PIGG: variants seen among roughly 807,000 people sequenced by gnomAD.
The protein encoded by PIGG is GPI ethanolamine phosphate transferase 2, catalytic subunit.
In PIGG, 70 loss-of-function variants were observed where a neutral mutation model predicts 83.2. The observed-to-expected ratio is 0.84, with a 90% CI of 0.69 to 1.03. The LOEUF (loss-of-function observed/expected upper bound fraction) is 1.03. Ranked by LOEUF, PIGG falls within the 50% of genes least tolerant of loss-of-function variation. PIGG has a pLI of 0.00. For synonymous variants in PIGG, 532 were observed against 519.5 expected, an observed-to-expected ratio of 1.02 and a Z score of -0.33; for missense variants, 1,257 against 1,233.6, an observed-to-expected ratio of 1.02 and a Z score of -0.28.
intron 5 of PIGG, among the ~76,000 whole-genome samples, chr4:509,416 A>AAC (rs146192421): frequency 5.3e-5 from 8 of 152,174 alleles, no homozygotes; most frequent in African/African-American, 1.9e-4. Flanking sequence ...ACACGCCCCA[A>AAC]ACACACACAC....
At chr4:537,859 C>T (rs1450314922) in intron 12 of PIGG, among the ~76,000 whole-genome samples, 4 of 152,192 alleles carry the variant, frequency 2.6e-5, no homozygotes, top group African/African-American at 7.2e-5. Context: ...CTTGGCCCTT[C>T]GTGGCTGTTG....
At chr4:510,689 T>C (rs1406471032) in intron 5 of PIGG, among the ~76,000 whole-genome samples, 1 of 152,222 alleles carries the variant, frequency 6.6e-6, no homozygotes, top group Non-Finnish European at 1.5e-5. Flanking sequence ...GTTTTCTTTA[T>C]TCTCATCATA....
At chr4:500,668 T>TA in intron 2 of PIGG, 67 bp downstream of exon 2, 4 of 1,016,386 alleles carry the variant, frequency 3.9e-6, no homozygotes, top group South Asian at 2.6e-5. Flanking sequence ...GGGGTCTCTG[T>TA]AGTCTTTCGC....
At position 499,307 on chromosome 4, in the gene PIGG, G is replaced by C. The variant is rs782708485; in HGVS notation, c.-29G>C. On this transcript the variant is annotated 5_prime_UTR_variant, in exon 1 of 13. Coordinates refer to ENST00000453061, the MANE Select transcript of PIGG (RefSeq NM_001127178.3). ...GCAGGGCGAGGCTCCAGGTGGGGTC[G>C]GTTCCGCATCCAGCCTAGCGTGTCC... The C allele has an allele frequency of 6.3e-7, 1 of 1,599,814 alleles. No homozygotes were observed. The highest frequency in any genetic ancestry group is 1.7e-5 in the Admixed American group (1 of 59,656).
intron 9 of PIGG, among the ~76,000 whole-genome samples, chr4:526,756 C>T (rs1213876423): frequency 1.3e-5 from 2 of 151,192 alleles, no homozygotes; most frequent in Non-Finnish European, 2.9e-5. Flanking sequence ...CCATGTGGCC[C>T]AGACTGGTCT....
At position 528,195 on chromosome 4, in the gene PIGG, C is replaced by A; in HGVS notation, c.2261+965C>A. On this transcript the variant is annotated intron_variant, in intron 10 of 12. Coordinates refer to ENST00000453061, the MANE Select transcript of PIGG (RefSeq NM_001127178.3). The surrounding 1 kb of genome is among the most constrained non-coding windows in gnomAD (Gnocchi z 4.8). Reference sequence around the variant, plus strand: ...CAGAACAGAGAAGCATGTTGTGGAACAGGTATGACCCCAGCTTACTAATTG... The same window carrying A: ...CAGAACAGAGAAGCATGTTGTGGAAAAGGTATGACCCCAGCTTACTAATTG... 1.0e-6 allele frequency: 1 copy of A among 985,198 alleles called. No homozygotes were observed. Among genetic ancestry groups the A allele is most frequent in the Non-Finnish European group, 1.2e-6 (1 of 829,800 alleles). 61.0% of individuals were successfully genotyped at this position (985,198 alleles called of 1,614,324 possible).
rs374663154 is a variant in PIGG, at chr4:505,632, C to CAAA, written c.361-71_361-69dup. The CAAA allele has an allele frequency of 0.033, 24,137 of 723,204 alleles. 136 individuals are homozygous for CAAA. Among genetic ancestry groups the CAAA allele is most frequent in the African/African-American group, 0.04 (1,945 of 48,614 alleles). 44.8% of individuals were successfully genotyped at this position (723,204 alleles called of 1,614,324 possible). The stretch of plus-strand genomic sequence containing the variant: ...TGAGCAACAGAGAGGGACCCTGTCT[C>CAAA]AAAAAAAAAAAAAAAAATCTTCAGT... On this transcript the variant is annotated intron_variant, in intron 2 of 12. Transcript: ENST00000453061.
At chr4:500,676 C>T (rs532522683) in intron 2 of PIGG, 75 bp downstream of exon 2, 5 of 947,998 alleles carry the variant, frequency 5.3e-6, no homozygotes, top group Middle Eastern at 3.0e-4. Flanking sequence ...TGTAGTCTTT[C>T]GCTTGGAGTT....
rs144681652 is a variant in PIGG, at chr4:540,090, C to G, written c.*721C>G. The G allele has an allele frequency of 6.6e-6, 1 of 152,122 alleles. No homozygotes were observed. The highest frequency in any genetic ancestry group is 6.5e-5 in the Admixed American group (1 of 15,270). 9.4% of individuals were successfully genotyped at this position (152,122 alleles called of 1,614,324 possible). ...GCTGAGGAAAGAGTATTGTTTCAGC[C>G]GAGTTCAAGGCTGCAGTGAGCCATG... is the stretch of plus-strand genomic sequence containing the variant. On this transcript the variant is annotated 3_prime_UTR_variant, in exon 13 of 13. Transcript: ENST00000453061.
rs143813064 is a variant in PIGG at position 533,492 on chromosome 4, A to G, written c.2572-326A>G. 644 of 325,666 alleles carry G rather than the reference A, an allele frequency of 2.0e-3. 8 individuals carry two copies. The East Asian group carries it at 0.031, about 16-fold the overall frequency. The allele number at this position is 325,666 out of a possible 1,614,324, so 20.2% of individuals were successfully genotyped here. ...TTGTCTTAAGTCGATGGGTCTGGAC[A>G]AGGGTCTTAGATGTGGCACAGTCAG... On this transcript the variant is annotated intron_variant, in intron 11 of 12. Coordinates refer to ENST00000453061, the MANE Select transcript of PIGG (RefSeq NM_001127178.3).
In PIGG at chr4:521,849, G is replaced by T. The variant is rs750863164; in HGVS notation, c.1522G>T (p.Ala508Ser). 4 of 1,614,174 alleles carry T rather than the reference G, an allele frequency of 2.5e-6. No individual in the cohort carries two copies. Among genetic ancestry groups the T allele is most frequent in the Non-Finnish European group, 2.5e-6 (3 of 1,180,010 alleles). ...CTTCTGTGGCCTCTCGTGGCTGGCG[G>T]CAGGTGGGGTGATGGTGCTGGCCTC... is the stretch of plus-strand genomic sequence containing the variant. ...CYFCGLSWLAAGGVMVLASAL... is the reference protein window; with the variant it reads ...CYFCGLSWLASGGVMVLASAL... Residue 508 changes from alanine to serine, a missense_variant, in exon 8 of 13, where the codon GCA becomes TCA. Physicochemically the swap from Ala to Ser is moderately conservative, Grantham distance 99. Transcript: ENST00000453061.
rs13114026 is a variant in PIGG, at chr4:527,064, G to A, written c.2095G>A (p.Val699Ile). The change falls in exon 10 of 13, where the codon GTC (valine) becomes ATC (isoleucine). Residue 699 changes from valine to isoleucine, a missense_variant. Coordinates refer to ENST00000453061, the MANE Select transcript of PIGG (RefSeq NM_001127178.3). ...TSSDHKAELS[V>I]LAALSLLVVF... ...CTCTGACCACAAAGCCGAGCTCTCT[G>A]TCCTGGCTGCCCTCTCCCTCCTCGT... The A allele has an allele frequency of 0.13, 208,379 of 1,613,790 alleles. 14,526 individuals carry two copies. Among genetic ancestry groups the A allele is most frequent in the East Asian group, 0.24 (10,773 of 44,860 alleles).
intron 5 of PIGG, among the ~76,000 whole-genome samples, chr4:511,453 C>CTGTGTGTAGCTTTT (rs1553883385): frequency 2.0e-5 from 3 of 152,166 alleles, no homozygotes; most frequent in African/African-American, 7.2e-5. Context: ...CTGTGATCAT[C>CTGTGTGTAGCTTTT]TGTGTGTAGC....
At position 539,685 on chromosome 4, in the gene PIGG, A is replaced by T. The variant is rs957915701; in HGVS notation, c.*316A>T. 9 of 237,766 alleles carry T rather than the reference A, an allele frequency of 3.8e-5. No individual in the cohort carries two copies. Among genetic ancestry groups the T allele is most frequent in the African/African-American group, 2.1e-4 (9 of 43,900 alleles). 14.7% of individuals were successfully genotyped at this position (237,766 alleles called of 1,614,324 possible). A position where few individuals can be genotyped will look rare whatever the true frequency, so the allele number is the denominator to read the frequency against. On this transcript the variant is annotated 3_prime_UTR_variant, in exon 13 of 13. Coordinates refer to ENST00000453061, the MANE Select transcript of PIGG (RefSeq NM_001127178.3). ...TGTTAGAGTCCAGGAGCTCTGTGGGAGGAGGCACCCAGATTACCTTAGGGA... is the reference window on the plus strand; with the variant it reads ...TGTTAGAGTCCAGGAGCTCTGTGGGTGGAGGCACCCAGATTACCTTAGGGA...
intron 5 of PIGG, among the ~76,000 whole-genome samples, chr4:510,338 G>A (rs545006492): frequency 7.4e-4 from 113 of 152,340 alleles, no homozygotes; most frequent in African/African-American, 1.8e-3. Context: ...CTTAAGGCAC[G>A]GTTCTCTCAT....
At chr4:517,624 T>C (rs1374239255) in intron 6 of PIGG, among the ~76,000 whole-genome samples, 1 of 151,986 alleles carries the variant, frequency 6.6e-6, no homozygotes, top group Non-Finnish European at 1.5e-5. Flanking sequence ...GATCTGGCCA[T>C]GGAGGGTGAT....
chr4:507,545 C>G lies in PIGG; in HGVS notation c.711C>G (p.Ser237Arg), dbSNP rs747129987. Residue 237 changes from serine (S) to arginine (R), a missense_variant, in exon 4 of 13, where the codon AGC (serine) becomes AGG (arginine). Coordinates refer to ENST00000453061, the MANE Select transcript of PIGG (RefSeq NM_001127178.3). ...GCCCCCTGATTGGGCAGAAGCTGAG[C>G]GAGATGGACAGCGTGCTGATGAAGA... ...PNSPLIGQKL[S>R]EMDSVLMKIH... is the part of the protein sequence containing the mutation. 106 of 1,613,724 alleles carry G rather than the reference C, an allele frequency of 6.6e-5. No homozygotes were observed. In the East Asian group the frequency reaches 2.2e-3, roughly 34 times the overall value.
In PIGG at chr4:519,334, G is replaced by A. The variant is rs181736741; in HGVS notation, c.1115-1722G>A. On this transcript the variant is annotated intron_variant, in intron 6 of 12. Coordinates refer to ENST00000453061, the MANE Select transcript of PIGG (RefSeq NM_001127178.3). The stretch of plus-strand genomic sequence containing the variant: ...CGCCTGGCACAGTGCCTGGCACGTC[G>A]TCCACGCTCCATGGATATTTGTTTC... 1.9e-3 allele frequency among the ~76,000 whole-genome samples: 295 copies of A among 152,310 alleles called. 3 individuals carry two copies. The highest frequency in any genetic ancestry group is 6.4e-3 in the African/African-American group (264 of 41,568).
At chr4:529,120 CG>C (rs1001581587) in intron 10 of PIGG, among the ~76,000 whole-genome samples, 16 of 152,260 alleles carry the variant, frequency 1.1e-4, no homozygotes, top group Non-Finnish European at 1.8e-4. Flanking sequence ...AGACTCTGCC[CG>C]GCCAGGGGAG....
Sources: gnomAD v4.1 joint callset for allele counts (sites outside exome capture counted in the v4.1 genomes callset) on GRCh38, gnomAD v4.1.1 for gene constraint, Gnocchi (gnomAD v3.1) non-coding constraint, MANE v1.5 for transcripts, NCBI Gene and HGNC (gene_info 2026-07-23, HGNC 2026-07-21) for gene names.